The following SASH1 variants were observed in gnomAD, a reference collection of about 807,000 sequenced individuals.
SASH1 encodes SAM and SH3 domain containing 1, also known as SAM and SH3 domain-containing protein 1.
Under a neutral mutation model 125.2 loss-of-function variants are expected in SASH1, and 44 were observed. The ratio of observed to expected loss-of-function variants is 0.35; its 90% CI spans 0.28 to 0.45. SASH1 has a LOEUF of 0.45. SASH1 is among the 20% of genes least tolerant of loss of function. SASH1 has a pLI of 1.00. For missense variants in SASH1, 1,426 were observed against 1,614.5 expected (o/e 0.88, Z 2.00); for synonymous variants, 639 against 649.1 (o/e 0.98, Z 0.24).
At chr6:148,531,023 A>T (rs1333611647) in intron 12 of SASH1, among the ~76,000 whole-genome samples, 1 of 152,226 alleles carries the variant, frequency 6.6e-6, no homozygotes, top group Non-Finnish European at 1.5e-5. Context: ...TCCTTATCCA[A>T]TGCCAATAAT....
At position 148,514,366 on chromosome 6, in the gene SASH1, T is replaced by C; in HGVS notation, c.772T>C (p.Phe258Leu). The C allele has an allele frequency of 6.2e-7, 1 of 1,609,168 alleles. No individual in the cohort carries two copies. The highest frequency in any genetic ancestry group is 2.2e-5 in the East Asian group (1 of 44,702). ...TGATGAGACTGAGGAGTCGGTGAAG[T>C]TTAAGAGGTTACACAAGCTGGTAAA... ...SDDETEESVKFKRLHKLVNST... is the reference protein window; with the variant it reads ...SDDETEESVKLKRLHKLVNST... Residue 258 changes from phenylalanine to leucine, a missense_variant, in exon 9 of 20, where the codon TTT becomes CTT. Physicochemically the swap from Phe to Leu is conservative, Grantham distance 22. Around this residue, in one of 3 missense-constraint regions of SASH1, gnomAD observed 567 missense variants for 575.6 expected, o/e 0.99. Transcript: ENST00000367467.
At chr6:148,202,721 G>A in the SASH1 span, among the ~76,000 whole-genome samples, 4 of 152,178 alleles carry the variant, frequency 2.6e-5, no homozygotes, top group South Asian at 2.1e-4. Context: ...TTGGGAGGCC[G>A]AGGCAGGCAG....
intron 1 of SASH1, among the ~76,000 whole-genome samples, chr6:148,357,975 G>A (rs1782011360): frequency 1.3e-5 from 2 of 148,488 alleles, no homozygotes; most frequent in African/African-American, 2.5e-5. Context: ...CAGGAGAATC[G>A]CTTGAACCTG....
At chr6:148,387,565 TC>T (rs1436350614) in intron 1 of SASH1, among the ~76,000 whole-genome samples, 1 of 141,098 alleles carries the variant, frequency 7.1e-6, no homozygotes, top group Non-Finnish European at 1.6e-5. Flanking sequence ...TTCTTTCTTT[TC>T]TCTTTCTTTC....
At chr6:148,302,158 A>G (rs1779973643) in intron 1 of SASH1, among the ~76,000 whole-genome samples, 2 of 150,304 alleles carry the variant, frequency 1.3e-5, no homozygotes, top group African/African-American at 2.4e-5. Flanking sequence ...TACTAAAAAT[A>G]CAAAAAATTA....
intron 2 of SASH1, among the ~76,000 whole-genome samples, chr6:148,431,583 AT>A (rs1776061273): frequency 6.6e-6 from 1 of 152,038 alleles, no homozygotes; most frequent in Non-Finnish European, 1.5e-5. Flanking sequence ...GAGTGGAATG[AT>A]TTCCTGGCAA....
chr6:148,515,763 G>A (rs1780401709), intron 9 of SASH1, among the ~76,000 whole-genome samples: 1 of 152,192 alleles, frequency 6.6e-6, no homozygotes, highest in Non-Finnish European at 1.5e-5. Context: ...CACAGACAGG[G>A]TCAGTTGGTA....
chr6:148,217,958 T>C, the SASH1 span, among the ~76,000 whole-genome samples: 6 of 150,274 alleles, frequency 4.0e-5, no homozygotes, highest in Admixed American at 4.0e-4. Context: ...GAGGCTGCAG[T>C]GTGCTATGAT....
chr6:148,311,081 CTTT>C (rs1159460360), intron 1 of SASH1, among the ~76,000 whole-genome samples: 2 of 150,900 alleles, frequency 1.3e-5, no homozygotes, highest in Non-Finnish European at 3.0e-5. Context: ...ACCTAAGCTT[CTTT>C]TTTTCTTTTC....
chr6:148,531,819 GTGTT>G (rs141868671), intron 13 of SASH1, among the ~76,000 whole-genome samples, 158 bp downstream of exon 13: 1 of 152,184 alleles, frequency 6.6e-6, no homozygotes, highest in East Asian at 1.9e-4. Flanking sequence ...ACTCAGAGTC[GTGTT>G]TGTTTATTAG....
At chr6:148,464,700 C>T (rs1158906627) in intron 4 of SASH1, among the ~76,000 whole-genome samples, 1 of 152,146 alleles carries the variant, frequency 6.6e-6, no homozygotes, top group Non-Finnish European at 1.5e-5. Context: ...TTTTGCACTG[C>T]TTCTATGCCA....
At chr6:148,281,894 C>A (rs1779350952) in intron 1 of SASH1, among the ~76,000 whole-genome samples, 1 of 149,936 alleles carries the variant, frequency 6.7e-6, no homozygotes, top group Non-Finnish European at 1.5e-5. Context: ...TGCACTCCAG[C>A]CTGGGCGACA....
Position 148,343,079 on chromosome 6 carries a change from G to T in SASH1, c.12G>T (p.Ala4=), listed in dbSNP as rs1330244478. Residue 4 remains alanine (A), a synonymous_variant, in exon 1 of 20, where the codon GCG becomes GCT. Transcript: ENST00000367467. ...CGCGGGACACGGCCATGGAGGACGC[G>T]GGAGCAGCTGGCCCGGGGCCGGAGC... The part of the protein sequence containing the change: MED[A]GAAGPGPEPE... 6.6e-7 allele frequency: 1 copy of T among 1,516,932 alleles called. No individual in the cohort carries two copies. The allele number at this position is 1,516,932 out of a possible 1,614,324, so 94.0% of individuals were successfully genotyped here. A position where few individuals can be genotyped will look rare whatever the true frequency, so the allele number is the denominator to read the frequency against.
chr6:148,515,705 G>A (rs1241867756), intron 9 of SASH1, among the ~76,000 whole-genome samples: 6 of 152,182 alleles, frequency 3.9e-5, no homozygotes, highest in South Asian at 4.1e-4. Flanking sequence ...CCCGCCAGTC[G>A]TGAATTCCAC....
intron 1 of SASH1, among the ~76,000 whole-genome samples, chr6:148,368,770 G>GCCCACACACACACACACA (rs1554245330): frequency 3.7e-5 from 5 of 135,644 alleles, no homozygotes; most frequent in Non-Finnish European, 8.0e-5. Flanking sequence ...GCACGCGCGC[G>GCCCACACACACACACACA]CACACACACA....
chr6:148,277,443 G>A (rs1224765625), intron 1 of SASH1, among the ~76,000 whole-genome samples: 2 of 152,202 alleles, frequency 1.3e-5, no homozygotes, highest in Non-Finnish European at 2.9e-5. Context: ...GGAAAAGCTG[G>A]ACCCAGGGTC....
chr6:148,528,217 G>A (rs946656653), intron 12 of SASH1, among the ~76,000 whole-genome samples: 2 of 152,134 alleles, frequency 1.3e-5, no homozygotes, highest in African/African-American at 2.4e-5. Context: ...AGAAATGACT[G>A]TTTCTGTCTA....
the SASH1 span, among the ~76,000 whole-genome samples, chr6:148,233,742 C>CAAAA: frequency 1.5e-3 from 90 of 60,506 alleles, 6 homozygotes; most frequent in South Asian, 0.016. Flanking sequence ...TTCCTCTCTA[C>CAAAA]AAAAAAAAAA....
chr6:148,454,933 C>T (rs150289834), intron 4 of SASH1, among the ~76,000 whole-genome samples: 10 of 152,312 alleles, frequency 6.6e-5, no homozygotes, highest in African/African-American at 2.2e-4. Context: ...CATCTAAAAG[C>T]TTTGCCCAAA....
Sources: allele counts gnomAD v4.1 joint callset (sites outside exome capture counted in the v4.1 genomes callset), GRCh38; gene constraint gnomAD v4.1.1; regional missense constraint gnomAD v4.1.1; transcripts MANE v1.5; gene names NCBI Gene and HGNC (gene_info 2026-07-23, HGNC 2026-07-21).